Variants in CDHR2 observed in about 807,000 individuals in gnomAD.
CDHR2 encodes cadherin-related family member 2.
In CDHR2, 104 loss-of-function variants were observed where a neutral mutation model predicts 138.6. The observed-to-expected ratio is 0.75, with a 90% CI of 0.64 to 0.88. The LOEUF (loss-of-function observed/expected upper bound fraction) is 0.88. Among genes scored for constraint, CDHR2 ranks in the 40% least tolerant of loss-of-function variants. The pLI is 0.00. For synonymous variants in CDHR2, 755 were observed against 742.8 expected, an observed-to-expected ratio of 1.02 and a Z score of -0.27; for missense variants, 1,624 against 1,727.6, an observed-to-expected ratio of 0.94 and a Z score of 1.06.
chr5:176,588,550 T>C (rs1009664718), intron 21 of CDHR2, among the ~76,000 whole-genome samples: 1 of 150,392 alleles, frequency 6.6e-6, no homozygotes, highest in Non-Finnish European at 1.5e-5. Context: ...AGTGAGTGTA[T>C]GTGTGAGTGG....
At chr5:176,552,895 T>G (rs1466293557) in intron 1 of CDHR2, among the ~76,000 whole-genome samples, 1 of 152,212 alleles carries the variant, frequency 6.6e-6, no homozygotes, top group Admixed American at 6.5e-5. Context: ...TAAAGGGGAT[T>G]GATGAATCCA....
In CDHR2 at chr5:176,584,792, C is replaced by A. The variant is rs1320044085; in HGVS notation, c.2511C>A (p.Asp837Glu). ...QVAVVVASDV[D>E]TSAQLEIQLV... ...CTGTGGTGGTTGCCTCGGATGTGGACACCAGTGCCCAGCTGGAGATACAGC... is the reference window on the plus strand; with the variant it reads ...CTGTGGTGGTTGCCTCGGATGTGGAAACCAGTGCCCAGCTGGAGATACAGC... Residue 837 changes from aspartate to glutamate, a missense_variant, in exon 19 of 32, where the codon GAC becomes GAA. Physicochemically the swap from Asp to Glu is conservative, Grantham distance 45. This residue lies in a region of CDHR2 where 1,061 missense variants were observed against 1,136.6 expected (regional missense o/e 0.93). Coordinates refer to ENST00000261944, the MANE Select transcript of CDHR2 (RefSeq NM_017675.6). 1.9e-6 allele frequency: 3 copies of A among 1,614,084 alleles called. No individual in the cohort carries two copies. The Admixed American group carries it at 5.0e-5, about 27-fold the overall frequency.
Position 176,591,140 on chromosome 5 carries a change from G to T in CDHR2, c.3540-70G>T. On this transcript the variant is annotated intron_variant, in intron 28 of 31. Transcript: ENST00000261944. ...CTCCCGGGATCTTGTGAAGCCACAG[G>T]CTCAGGGCCTCCACTGGGGACACAA... 3 of 1,054,248 alleles carry T rather than the reference G, an allele frequency of 2.8e-6. No homozygotes were observed. The South Asian group carries it at 3.9e-5, about 14-fold the overall frequency. The allele number at this position is 1,054,248 out of a possible 1,614,324, so 65.3% of individuals were successfully genotyped here.
chr5:176,583,768 G>A (rs752432820), intron 17 of CDHR2, among the ~76,000 whole-genome samples: 2 of 152,232 alleles, frequency 1.3e-5, no homozygotes, highest in Non-Finnish European at 2.9e-5. Flanking sequence ...GGGGACAAGG[G>A]AAAGTGTGGG....
intron 1 of CDHR2, among the ~76,000 whole-genome samples, chr5:176,550,558 C>G (rs1350222097): frequency 6.6e-6 from 1 of 152,272 alleles, no homozygotes; most frequent in Non-Finnish European, 1.5e-5. Context: ...GCTCACCCAT[C>G]TCTGGGCATC....
chr5:176,570,320 C>T (rs79343182), intron 5 of CDHR2, among the ~76,000 whole-genome samples: 4,375 of 152,262 alleles, frequency 0.029, 243 homozygotes, highest in African/African-American at 0.1. Flanking sequence ...TGCACATTCC[C>T]GTGATAGGAC....
Position 176,589,890 on chromosome 5 carries a change from A to G in CDHR2, c.3207-188A>G, listed in dbSNP as rs1758801353. 2.0e-5 allele frequency among the ~76,000 whole-genome samples: 3 copies of G among 152,144 alleles called. No homozygotes were observed. In the South Asian group the frequency reaches 6.2e-4, roughly 32 times the overall value. On this transcript the variant is annotated intron_variant, in intron 24 of 31. Coordinates refer to ENST00000261944, the MANE Select transcript of CDHR2 (RefSeq NM_017675.6). The stretch of plus-strand genomic sequence containing the variant: ...ACAAGGGCACTCTGCTTGCTAAGCT[A>G]TTCACCCAGCCCCAGAGGAAGGGAT...
intron 3 of CDHR2, among the ~76,000 whole-genome samples, 186 bp from the exon 4 acceptor site, chr5:176,568,492 C>T (rs1402642246): frequency 2.6e-5 from 4 of 152,230 alleles, no homozygotes; most frequent in Non-Finnish European, 5.9e-5. Context: ...CAGTGCCCAT[C>T]GAGTCAGTGG....
chr5:176,558,004 C>CCTAT (rs945518552), intron 1 of CDHR2, among the ~76,000 whole-genome samples: 1 of 151,992 alleles, frequency 6.6e-6, no homozygotes, highest in African/African-American at 2.4e-5. Context: ...CCGAGCCTGG[C>CCTAT]CTATCTGTTA....
chr5:176,584,182 G>C lies in CDHR2; in HGVS notation c.2059-8G>C, dbSNP rs375903115. 9.9e-6 allele frequency: 16 copies of C among 1,613,398 alleles called. No individual in the cohort carries two copies. The African/African-American group carries it at 2.1e-4, about 22-fold the overall frequency. On this transcript the variant is annotated splice_region_variant and splice_polypyrimidine_tract_variant and intron_variant, in intron 17 of 31. Coordinates refer to ENST00000261944, the MANE Select transcript of CDHR2 (RefSeq NM_017675.6). ...ATCCCGGGGACTCAGACCTGTCTCT[G>C]ACTGCAGGACATCAATGATAACCTG...
upstream of CDHR2, chr5:176,549,292 A>G (rs983744621): frequency 1.3e-5 from 2 of 152,368 alleles, no homozygotes; most frequent in African/African-American, 4.8e-5. Context: ...ATGATTGCTC[A>G]GTGGAGGTGG....
rs750150309 is a variant in CDHR2 at position 176,578,439 on chromosome 5, G to C, written c.1649G>C (p.Ser550Thr). ...VRNGELLDRE[S>T]QAVYYLTLQA... Reference sequence around the variant, plus strand: ...AACGGTGAGCTGCTGGACCGGGAGAGCCAGGCCGTGTACTACCTGACGCTG... The same window carrying C: ...AACGGTGAGCTGCTGGACCGGGAGACCCAGGCCGTGTACTACCTGACGCTG... Residue 550 changes from serine (S) to threonine (T), a missense_variant, in exon 16 of 32, where the codon AGC becomes ACC. Around this residue, in one of 3 missense-constraint regions of CDHR2, gnomAD observed 1,061 missense variants for 1,136.6 expected, o/e 0.93. Transcript: ENST00000261944. The C allele has an allele frequency of 6.2e-7, 1 of 1,613,926 alleles. No individual in the cohort carries two copies. Among genetic ancestry groups the C allele is most frequent in the South Asian group, 1.1e-5 (1 of 91,054 alleles).
intron 6 of CDHR2, among the ~76,000 whole-genome samples, chr5:176,572,458 G>C (rs922357302): frequency 5.3e-5 from 8 of 151,950 alleles, no homozygotes; most frequent in Non-Finnish European, 1.2e-4. Context: ...TCACATTGAG[G>C]AGACCGTCTC....
intron 1 of CDHR2, chr5:176,556,691 A>C (rs75716764): frequency 3.3e-5 from 5 of 152,338 alleles, no homozygotes; most frequent in Admixed American, 6.5e-5. Context: ...AACAAACAAA[A>C]AACACCTAAA....
chr5:176,555,283 C>G (rs1485699046), intron 1 of CDHR2, among the ~76,000 whole-genome samples: 2 of 152,202 alleles, frequency 1.3e-5, no homozygotes, highest in Non-Finnish European at 2.9e-5. Flanking sequence ...TCTCCTCTTG[C>G]TAGGGCCCTG....
chr5:176,577,689 T>C lies in CDHR2; in HGVS notation c.1403T>C (p.Ile468Thr), dbSNP rs1159880691. ...SQNFSVAMVT[I>T]HLRDINDHRP... ...AACTTCTCCGTCGCCATGGTGACCA[T>C]CCACCTTAGAGACATTAATGACCAC... Residue 468 changes from isoleucine to threonine, a missense_variant, in exon 14 of 32, where the codon ATC (isoleucine) becomes ACC (threonine). Transcript: ENST00000261944. The C allele has an allele frequency of 6.2e-7, 1 of 1,614,196 alleles. No homozygotes were observed. Among genetic ancestry groups the C allele is most frequent in the African/African-American group, 1.3e-5 (1 of 75,050 alleles).
chr5:176,571,576 G>A (rs915373405), intron 6 of CDHR2, among the ~76,000 whole-genome samples: 2 of 151,410 alleles, frequency 1.3e-5, no homozygotes, highest in African/African-American at 4.9e-5. Context: ...TCACTCTGTT[G>A]CCCAGGCTGG....
intron 30 of CDHR2, among the ~76,000 whole-genome samples, chr5:176,592,452 G>A (rs928761863): frequency 4.3e-4 from 64 of 149,724 alleles, no homozygotes; most frequent in African/African-American, 1.3e-3. Context: ...GGATGATGAC[G>A]GTGGTGGTGG....
chr5:176,570,292 T>C (rs553477000), intron 5 of CDHR2, among the ~76,000 whole-genome samples: 2 of 152,352 alleles, frequency 1.3e-5, no homozygotes, highest in Admixed American at 1.3e-4. Flanking sequence ...CTTTATACTA[T>C]GGCAAACAAA....
Sources: gnomAD v4.1 joint callset for allele counts (sites outside exome capture counted in the v4.1 genomes callset) on GRCh38, gnomAD v4.1.1 for gene constraint, gnomAD v4.1.1 regional missense constraint, MANE v1.5 for transcripts, NCBI Gene and HGNC (gene_info 2026-07-23, HGNC 2026-07-21) for gene names.